Variants in SLC19A3 observed in about 807,000 individuals in gnomAD.
The protein encoded by SLC19A3 is solute carrier family 19 member 3.
SLC19A3 carries 31 observed loss-of-function variants against 40.2 expected under a neutral mutation model. The observed-to-expected ratio is 0.77, with a 90% CI of 0.58 to 1.04. SLC19A3 has a LOEUF of 1.04. Among genes scored for constraint, SLC19A3 ranks in the 50% least tolerant of loss-of-function variants. SLC19A3 has a pLI of 0.00. For missense variants in SLC19A3, 592 were observed against 596.7 expected (o/e 0.99, Z 0.08); for synonymous variants, 212 against 227.5 (o/e 0.93, Z 0.61).
intron 2 of SLC19A3, chr2:227,701,171 T>A (rs1321112803): frequency 1.7e-6 from 2 of 1,170,500 alleles, no homozygotes; most frequent in East Asian, 5.9e-5. Context: ...AGCTTGCCTT[T>A]CTGTCTTTGC....
intron 1 of SLC19A3, among the ~76,000 whole-genome samples, chr2:227,706,010 T>G (rs1695923698): frequency 6.6e-6 from 1 of 151,512 alleles, no homozygotes; most frequent in Admixed American, 6.6e-5. Flanking sequence ...ATCATGCTGC[T>G]GCACTCCACT....
At chr2:227,714,262 T>C (rs2030873502) in intron 1 of SLC19A3, among the ~76,000 whole-genome samples, 1 of 152,162 alleles carries the variant, frequency 6.6e-6, no homozygotes, top group African/African-American at 2.4e-5. Flanking sequence ...CTCCGTATAA[T>C]AGGAAAACTG....
At chr2:227,708,329 T>C (rs1205590323) in intron 1 of SLC19A3, among the ~76,000 whole-genome samples, 1 of 152,232 alleles carries the variant, frequency 6.6e-6, no homozygotes. Context: ...TGCAACCTAT[T>C]ACACAGTTGT....
intron 4 of SLC19A3, among the ~76,000 whole-genome samples, chr2:227,688,639 A>G (rs1354921937): frequency 6.6e-6 from 1 of 152,178 alleles, no homozygotes; most frequent in East Asian, 1.9e-4. Context: ...GAATACCTGG[A>G]AAGCCTTCCC....
intron 1 of SLC19A3, among the ~76,000 whole-genome samples, chr2:227,704,167 A>C (rs189419177): frequency 6.6e-6 from 1 of 152,268 alleles, no homozygotes; most frequent in East Asian, 1.9e-4. Flanking sequence ...TAAGGGTGAA[A>C]AGAGAGAAGT....
At chr2:227,715,343 A>C (rs549190730) in intron 1 of SLC19A3, among the ~76,000 whole-genome samples, 1 of 152,258 alleles carries the variant, frequency 6.6e-6, no homozygotes, top group African/African-American at 2.4e-5. Context: ...TGTGGGCCAG[A>C]ATAGTTCTGT....
rs1219157732 is a variant in SLC19A3 at position 227,703,722 on chromosome 2, A to C, written c.-2-1402T>G. On this transcript the variant is annotated intron_variant, in intron 1 of 5. Transcript: ENST00000644224. The surrounding 1 kb of genome is among the most constrained non-coding windows in gnomAD (Gnocchi z 4.7). ...AAATGGCTGTCCTGGACAGGTGATC[A>C]CTGAGGCTTGGTCATCTTCTGAAGA... 1.3e-5 allele frequency among the ~76,000 whole-genome samples: 2 copies of C among 152,136 alleles called. No individual in the cohort carries two copies. Among genetic ancestry groups the C allele is most frequent in the African/African-American group, 4.8e-5 (2 of 41,434 alleles).
intron 1 of SLC19A3, chr2:227,706,317 G>C: frequency 8.1e-7 from 1 of 1,231,624 alleles, no homozygotes; most frequent in Non-Finnish European, 1.0e-6. Context: ...GTTCATACCT[G>C]TGAAAGCCAG....
rs946787856 is a variant in SLC19A3, at chr2:227,706,330, G to A, written c.-2-4010C>T. ...GAGTTCATACCTGTGAAAGCCAGAT[G>A]TTTACCTTTCCCCTTCATTTTCTGT... On this transcript the variant is annotated intron_variant, in intron 1 of 5. Transcript: ENST00000644224. The A allele has an allele frequency of 1.4e-5, 17 of 1,231,544 alleles. No individual in the cohort carries two copies. In the African/African-American group the frequency reaches 2.3e-4, roughly 17 times the overall value. 76.3% of individuals were successfully genotyped at this position (1,231,544 alleles called of 1,614,324 possible).
At position 227,687,405 on chromosome 2, in the gene SLC19A3, T is replaced by TTGTTGACA. The variant is rs1387251145; in HGVS notation, c.1475_1482dup (p.Lys495CysfsTer21). 1.9e-6 allele frequency: 3 copies of TTGTTGACA among 1,607,820 alleles called. No individual in the cohort carries two copies. Among genetic ancestry groups the TTGTTGACA allele is most frequent in the Non-Finnish European group, 2.6e-6 (3 of 1,175,708 alleles). On this transcript the variant is annotated frameshift_variant, in exon 6 of 6. Coordinates refer to ENST00000644224, the MANE Select transcript of SLC19A3 (RefSeq NM_025243.4). LOFTEE classifies it high-confidence loss of function. Reference sequence around the variant, plus strand: ...CGTTTGTTGCGATGAGGTTAGAGTTTTGTTGACATGATGATATTACTCTCT... The same window carrying TTGTTGACA: ...CGTTTGTTGCGATGAGGTTAGAGTTTTGTTGACATGTTGACATGATGATATTACTCTCT...
chr2:227,685,580 T>A lies in SLC19A3; in HGVS notation c.*1817A>T, dbSNP rs1446381194. The A allele has an allele frequency of 1.3e-5, 2 of 152,084 alleles. No individual in the cohort carries two copies. Among genetic ancestry groups the A allele is most frequent in the East Asian group, 3.9e-4 (2 of 5,192 alleles). 9.4% of individuals were successfully genotyped at this position (152,084 alleles called of 1,614,324 possible). ...AACCATATCAAAATCCAATTAAAAA[T>A]TTTTTTGTTTGTTTTAGACACAGGG... On this transcript the variant is annotated 3_prime_UTR_variant, in exon 6 of 6. Coordinates refer to ENST00000644224, the MANE Select transcript of SLC19A3 (RefSeq NM_025243.4).
chr2:227,692,564 G>T (rs1462064146), intron 4 of SLC19A3, among the ~76,000 whole-genome samples: 1 of 152,156 alleles, frequency 6.6e-6, no homozygotes, highest in African/African-American at 2.4e-5. Flanking sequence ...CATAATAAAA[G>T]CCATATATGA....
At chr2:227,705,058 A>G (rs1320740278) in intron 1 of SLC19A3, among the ~76,000 whole-genome samples, 3 of 151,848 alleles carry the variant, frequency 2.0e-5, no homozygotes, top group Non-Finnish European at 4.4e-5. Context: ...TTGTGTTTTT[A>G]GTAGAGATGG....
chr2:227,693,572 C>T (rs537930076), intron 4 of SLC19A3, among the ~76,000 whole-genome samples: 3 of 152,282 alleles, frequency 2.0e-5, no homozygotes, highest in African/African-American at 7.2e-5. Flanking sequence ...CTATCTCTCA[C>T]TATATACAAA....
In SLC19A3 at chr2:227,688,212, A is replaced by T; in HGVS notation, c.1268T>A (p.Val423Glu). The change falls in exon 5 of 6, where the codon GTG (valine) becomes GAG (glutamate). Residue 423 changes from valine (V) to glutamate (E), a missense_variant. Val to Glu is a moderately radical substitution (Grantham distance 121, BLOSUM62 -2). Coordinates refer to ENST00000644224, the MANE Select transcript of SLC19A3 (RefSeq NM_025243.4). ...IALVIQTIMT[V>E]IVVDQRGLNL... is the part of the protein sequence containing the mutation. The stretch of plus-strand genomic sequence containing the variant: ...GAGCCCTCTCTGATCTACTACAATC[A>T]CAGTCATGATGGTCTGAATCACCAA... The T allele has an allele frequency of 6.2e-7, 1 of 1,614,150 alleles. No homozygotes were observed. The highest frequency in any genetic ancestry group is 8.5e-7 in the Non-Finnish European group (1 of 1,179,976).
chr2:227,702,307 G>C lies in SLC19A3; in HGVS notation c.12C>G (p.Tyr4Ter). Residue 4 changes from tyrosine to a stop codon, truncating the protein, a stop_gained, in exon 2 of 6, where the codon TAC becomes TAG. Coordinates refer to ENST00000644224, the MANE Select transcript of SLC19A3 (RefSeq NM_025243.4). LOFTEE classifies it high-confidence loss of function. MDC[Y>*]RTSLSSSWIY... The stretch of plus-strand genomic sequence containing the variant: ...TCCAGGAACTGCTTAGTGAAGTTCT[G>C]TAACAATCCATGGCTGATCAAATGG... The C allele has an allele frequency of 6.2e-7, 1 of 1,613,916 alleles. No individual in the cohort carries two copies. Among genetic ancestry groups the C allele is most frequent in the Non-Finnish European group, 8.5e-7 (1 of 1,179,956 alleles).
At chr2:227,712,708 T>C (rs113837986) in intron 1 of SLC19A3, among the ~76,000 whole-genome samples, 161 of 152,322 alleles carry the variant, frequency 1.1e-3, no homozygotes, top group Non-Finnish European at 1.0e-3. Context: ...TAAATAATGA[T>C]AAATTTTGGC....
chr2:227,706,305 G>A, intron 1 of SLC19A3: 1 of 1,231,534 alleles, frequency 8.1e-7, no homozygotes, highest in Non-Finnish European at 1.0e-6. Flanking sequence ...TTGATTTTCT[G>A]AGTTCATACC....
Position 227,686,689 on chromosome 2 carries a change from T to A in SLC19A3, c.*708A>T, listed in dbSNP as rs1322999646. 1 of 152,182 alleles carries A rather than the reference T, an allele frequency of 6.6e-6. No individual in the cohort carries two copies. The highest frequency in any genetic ancestry group is 1.5e-5 in the Non-Finnish European group (1 of 68,068). The allele number at this position is 152,182 out of a possible 1,614,324, so 9.4% of individuals were successfully genotyped here. A position where few individuals can be genotyped will look rare whatever the true frequency, so the allele number is the denominator to read the frequency against. On this transcript the variant is annotated 3_prime_UTR_variant, in exon 6 of 6. Coordinates refer to ENST00000644224, the MANE Select transcript of SLC19A3 (RefSeq NM_025243.4). ...CTGCCTCTCCCAGGCCACTGGGAAATGACCTTGTGTATTCTGCAAATACAC... is the reference window on the plus strand; with the variant it reads ...CTGCCTCTCCCAGGCCACTGGGAAAAGACCTTGTGTATTCTGCAAATACAC...
Sources: gnomAD v4.1 joint callset for allele counts (sites outside exome capture counted in the v4.1 genomes callset) on GRCh38, gnomAD v4.1.1 for gene constraint, Gnocchi (gnomAD v3.1) non-coding constraint, MANE v1.5 for transcripts, NCBI Gene and HGNC (gene_info 2026-07-23, HGNC 2026-07-21) for gene names.